The following BRCA2 variants were observed in gnomAD, a reference collection of about 807,000 sequenced individuals.
BRCA2 encodes breast cancer type 2 susceptibility protein.
In BRCA2, 203 loss-of-function variants were observed where a neutral mutation model predicts 276.7. The observed-to-expected ratio is 0.73, with a 90% CI of 0.65 to 0.82. The LOEUF (loss-of-function observed/expected upper bound fraction) is 0.82. Ranked by LOEUF, BRCA2 falls within the 40% of genes least tolerant of loss-of-function variation. BRCA2 has a pLI of 0.00. For missense variants in BRCA2, 3,920 were observed against 3,915.0 expected (o/e 1.00, Z -0.03); for synonymous variants, 1,289 against 1,338.4 (o/e 0.96, Z 0.81).
At chr13:32,327,625 A>G (rs1170247867) in intron 7 of BRCA2, among the ~76,000 whole-genome samples, 2 of 151,590 alleles carry the variant, frequency 1.3e-5, no homozygotes, top group Non-Finnish European at 1.5e-5. Flanking sequence ...ATCTGAGATC[A>G]TCACGCCACT....
intron 7 of BRCA2, 75 bp from the exon 8 acceptor site, chr13:32,329,368 T>C (rs1566220477): frequency 1.3e-5 from 13 of 1,039,496 alleles, no homozygotes; most frequent in Non-Finnish European, 1.5e-5. Flanking sequence ...TAGATGTGCT[T>C]TTTGATGTCT....
Position 32,355,015 on chromosome 13 carries a change from A to G in BRCA2, c.7162A>G (p.Thr2388Ala), listed in dbSNP as rs1060502390. ...SGHPFYQVSA[T>A]RNEKMRHLIT... Reference sequence around the variant, plus strand: ...ACATCCATTTTATCAAGTTTCTGCTACAAGAAATGAAAAAATGAGACACTT... The same window carrying G: ...ACATCCATTTTATCAAGTTTCTGCTGCAAGAAATGAAAAAATGAGACACTT... Residue 2388 changes from threonine to alanine, a missense_variant, in exon 14 of 27, where the codon ACA (threonine) becomes GCA (alanine). By Grantham distance (58) the Thr-to-Ala change is moderately conservative. This residue lies in a region of BRCA2 where 3,263 missense variants were observed against 3,156.9 expected (regional missense o/e 1.03). Coordinates refer to ENST00000380152, the MANE Select transcript of BRCA2 (RefSeq NM_000059.4). The G allele has an allele frequency of 2.5e-6, 4 of 1,613,872 alleles. No individual in the cohort carries two copies. The highest frequency in any genetic ancestry group is 3.4e-6 in the Non-Finnish European group (4 of 1,179,902).
At chr13:32,350,929 T>C (rs2072645032) in intron 13 of BRCA2, among the ~76,000 whole-genome samples, 1 of 151,996 alleles carries the variant, frequency 6.6e-6, no homozygotes, top group South Asian at 2.1e-4. Flanking sequence ...GGCTAAAGGA[T>C]TGTAAACACA....
intron 16 of BRCA2, among the ~76,000 whole-genome samples, chr13:32,360,964 G>T (rs2072734214): frequency 6.6e-6 from 1 of 152,200 alleles, no homozygotes; most frequent in South Asian, 2.1e-4. Context: ...GAATTGAGAA[G>T]ACCAAAGATG....
At chr13:32,386,918 C>G (rs754734687) in intron 24 of BRCA2, among the ~76,000 whole-genome samples, 1 of 152,164 alleles carries the variant, frequency 6.6e-6, no homozygotes, top group Non-Finnish European at 1.5e-5. Flanking sequence ...GCTGGAAATC[C>G]AAGATCAAAG....
At chr13:32,388,737 T>G (rs1310665146) in intron 24 of BRCA2, among the ~76,000 whole-genome samples, 6 of 151,944 alleles carry the variant, frequency 3.9e-5, no homozygotes, top group Non-Finnish European at 5.9e-5. Flanking sequence ...TCAAATTGAT[T>G]AATGTTTGCA....
intron 20 of BRCA2, among the ~76,000 whole-genome samples, chr13:32,372,957 C>T (rs1053216523): frequency 6.6e-6 from 1 of 151,882 alleles, no homozygotes; most frequent in Non-Finnish European, 1.5e-5. Context: ...GGCCACAGTC[C>T]CCATGCAAGT....
rs752372081 is a variant in BRCA2, at chr13:32,333,439, C to T, written c.1909+52C>T. The T allele has an allele frequency of 3.2e-5, 49 of 1,552,330 alleles. 1 individual carries two copies. In the South Asian group the frequency reaches 3.8e-4, roughly 12 times the overall value. ...ATAGTACATATAGTTTTATAGATGACGATTCCTTCTGTGTTTTTTTCTGCT... is the reference window on the plus strand; with the variant it reads ...ATAGTACATATAGTTTTATAGATGATGATTCCTTCTGTGTTTTTTTCTGCT... On this transcript the variant is annotated intron_variant, in intron 10 of 26. Transcript: ENST00000380152.
At chr13:32,334,453 A>C (rs1035933453) in intron 10 of BRCA2, among the ~76,000 whole-genome samples, 1 of 152,132 alleles carries the variant, frequency 6.6e-6, no homozygotes, top group African/African-American at 2.4e-5. Context: ...AGGCAGGAGG[A>C]TCACTTATGG....
chr13:32,376,418 G>A (rs144758078), intron 20 of BRCA2, among the ~76,000 whole-genome samples: 3 of 151,854 alleles, frequency 2.0e-5, no homozygotes, highest in South Asian at 2.1e-4. Flanking sequence ...CTACTCGGGA[G>A]GCTGAGGCAG....
intron 13 of BRCA2, among the ~76,000 whole-genome samples, chr13:32,353,503 A>G (rs1337909817): frequency 2.6e-5 from 4 of 152,096 alleles, no homozygotes; most frequent in African/African-American, 9.7e-5. Context: ...ATTCTTCATG[A>G]TCTGGCTGCT....
At chr13:32,316,559 T>C (rs754976009) in intron 2 of BRCA2, 32 bp downstream of exon 2, 1 of 1,576,368 alleles carries the variant, frequency 6.3e-7, no homozygotes, top group African/African-American at 1.4e-5. Context: ...CTTTATAAAT[T>C]ACACCGAGAA....
intron 13 of BRCA2, among the ~76,000 whole-genome samples, chr13:32,347,280 A>G (rs911220919): frequency 1.3e-5 from 2 of 152,162 alleles, no homozygotes; most frequent in Admixed American, 6.5e-5. Context: ...CCCAAGGACA[A>G]TGATGAGAAG....
rs1047585726 is a variant in BRCA2, at chr13:32,319,853, G to C, written c.316+528G>C. On this transcript the variant is annotated intron_variant, in intron 3 of 26. Coordinates refer to ENST00000380152, the MANE Select transcript of BRCA2 (RefSeq NM_000059.4). ...CTTCAGAGTGTTAATCTCTAGTAAGGGGAATAAAGAGTACACAGATAAAGT... is the reference window on the plus strand; with the variant it reads ...CTTCAGAGTGTTAATCTCTAGTAAGCGGAATAAAGAGTACACAGATAAAGT... Among the ~76,000 whole-genome samples the C allele has an allele frequency of 3.3e-5, 5 of 152,210 alleles. No homozygotes were observed. The East Asian group carries it at 7.7e-4, about 23-fold the overall frequency.
At chr13:32,326,634 T>C in intron 7 of BRCA2, 21 bp downstream of exon 7, 1 of 1,538,234 alleles carries the variant, frequency 6.5e-7, no homozygotes, top group Non-Finnish European at 9.0e-7. Context: ...CAAATGTGTA[T>C]TTACAAGAAA....
At chr13:32,385,102 G>T (rs926751306) in intron 24 of BRCA2, 26 of 259,882 alleles carry the variant, frequency 1.0e-4, no homozygotes, top group African/African-American at 5.8e-4. Context: ...GGAAGAACGG[G>T]CCTTGCTGGA....
chr13:32,363,408 C>T lies in BRCA2; in HGVS notation c.8206C>T (p.Leu2736Phe), dbSNP rs1555287042. The T allele has an allele frequency of 6.2e-7, 1 of 1,614,154 alleles. No homozygotes were observed. Among genetic ancestry groups the T allele is most frequent in the Non-Finnish European group, 8.5e-7 (1 of 1,180,026 alleles). The stretch of plus-strand genomic sequence containing the variant: ...TGTTAAGGCCCAGTTAGATCCTCCC[C>T]TCTTAGCTGTCTTAAAGAATGGCAG... ...YAVKAQLDPP[L>F]LAVLKNGRLT... The change falls in exon 18 of 27, where the codon CTC becomes TTC. Residue 2736 changes from leucine (L) to phenylalanine (F), a missense_variant. Physicochemically the swap from Leu to Phe is conservative, Grantham distance 22. Transcript: ENST00000380152.
chr13:32,357,708 GTTTTTC>G, intron 15 of BRCA2, 28 bp from the exon 16 acceptor site: 1 of 1,590,808 alleles, frequency 6.3e-7, no homozygotes, highest in Non-Finnish European at 8.6e-7. Context: ...ACTTTAAATT[GTTTTTC>G]TTTTTTGTGT....
At chr13:32,325,834 C>T (rs2137448584) in intron 4 of BRCA2, among the ~76,000 whole-genome samples, 1 of 152,290 alleles carries the variant, frequency 6.6e-6, no homozygotes, top group East Asian at 1.9e-4. Context: ...ACCACTGTGC[C>T]CGGCCTACTT....
Sources: gnomAD v4.1 joint callset for allele counts (sites outside exome capture counted in the v4.1 genomes callset) on GRCh38, gnomAD v4.1.1 for gene constraint, gnomAD v4.1.1 regional missense constraint, MANE v1.5 for transcripts, NCBI Gene and HGNC (gene_info 2026-07-23, HGNC 2026-07-21) for gene names.